DNAJC8: variants seen among roughly 807,000 people sequenced by gnomAD.
The protein encoded by DNAJC8 is dnaJ homolog subfamily C member 8.
Under a neutral mutation model 43.2 loss-of-function variants are expected in DNAJC8, and 24 were observed. The observed-to-expected ratio is 0.56, with a 90% confidence interval of 0.40 to 0.78. The LOEUF (loss-of-function observed/expected upper bound fraction) is 0.78, where lower values mean the gene tolerates loss of function less well. Among genes scored for constraint, DNAJC8 ranks in the 30% least tolerant of loss-of-function variants. The pLI, the probability that DNAJC8 is intolerant of heterozygous loss-of-function variation, is 0.00. For synonymous variants in DNAJC8, 83 were observed against 98.0 expected, an observed-to-expected ratio of 0.85 and a Z score of 0.90; for missense variants, 207 against 299.4, an observed-to-expected ratio of 0.69 and a Z score of 2.28.
intron 2 of DNAJC8, among the ~76,000 whole-genome samples, chr1:28,221,813 T>C (rs1231731143): frequency 6.6e-6 from 1 of 152,300 alleles, no homozygotes; most frequent in South Asian, 2.1e-4. Flanking sequence ...GCAACACTTT[T>C]CTCAATAGCT....
intron 1 of DNAJC8, among the ~76,000 whole-genome samples, chr1:28,231,730 A>G (rs1168829344): frequency 1.3e-5 from 2 of 150,894 alleles, no homozygotes; most frequent in East Asian, 3.9e-4. Context: ...AAAAAAAAAA[A>G]GAATTCAATC....
In DNAJC8 at chr1:28,200,894, G is replaced by T. The variant is rs1207833158; in HGVS notation, c.*354C>A. The T allele has an allele frequency of 8.3e-6, 3 of 361,814 alleles. No homozygotes were observed. The highest frequency in any genetic ancestry group is 1.6e-5 in the Non-Finnish European group (3 of 186,322). 22.4% of individuals were successfully genotyped at this position (361,814 alleles called of 1,614,324 possible). A position where few individuals can be genotyped will look rare whatever the true frequency, so the allele number is the denominator to read the frequency against. ...ACAGCAACACTGTTTTAAGCAGTATGTTTAATTGGATGATTTCCACAAACT... is the reference window on the plus strand; with the variant it reads ...ACAGCAACACTGTTTTAAGCAGTATTTTTAATTGGATGATTTCCACAAACT... On this transcript the variant is annotated 3_prime_UTR_variant, in exon 9 of 9. Coordinates refer to ENST00000263697, the MANE Select transcript of DNAJC8 (RefSeq NM_014280.3).
chr1:28,216,343 C>T (rs1646854697), intron 2 of DNAJC8, among the ~76,000 whole-genome samples: 1 of 152,136 alleles, frequency 6.6e-6, no homozygotes, highest in Non-Finnish European at 1.5e-5. Context: ...GGGACTGTAA[C>T]TGTACATACA....
At chr1:28,223,711 T>C (rs1162432305) in intron 2 of DNAJC8, among the ~76,000 whole-genome samples, 2 of 70,118 alleles carry the variant, frequency 2.9e-5, no homozygotes, top group African/African-American at 1.5e-4. Flanking sequence ...ACCTTGTCTT[T>C]ACAAAAAAAA....
chr1:28,219,125 C>T (rs758170467), intron 2 of DNAJC8, among the ~76,000 whole-genome samples: 6 of 152,022 alleles, frequency 3.9e-5, no homozygotes, highest in Non-Finnish European at 8.8e-5. Flanking sequence ...AAAATAAATT[C>T]TGCTGTGTGT....
intron 1 of DNAJC8, among the ~76,000 whole-genome samples, chr1:28,231,305 G>A (rs927598137): frequency 6.6e-6 from 1 of 152,130 alleles, no homozygotes; most frequent in Non-Finnish European, 1.5e-5. Context: ...CAGAGGTTGT[G>A]CATTCCAGCT....
intron 2 of DNAJC8, among the ~76,000 whole-genome samples, chr1:28,218,421 ATT>A (rs755920353): frequency 7.0e-6 from 1 of 142,830 alleles, no homozygotes; most frequent in Admixed American, 7.0e-5. Context: ...TAAACAAATA[ATT>A]TTTTTTTTTT....
chr1:28,214,998 T>G lies in DNAJC8; in HGVS notation c.181-2A>C. Reference sequence around the variant, plus strand: ...AACTTCAGGATCTATCTGAAGAACCTGGAAGTATCAAAATCAAAACCATAA... The same window carrying G: ...AACTTCAGGATCTATCTGAAGAACCGGGAAGTATCAAAATCAAAACCATAA... On this transcript the variant is annotated splice_acceptor_variant, in intron 2 of 8. Transcript: ENST00000263697. LOFTEE classifies it high-confidence loss of function. 6.2e-7 allele frequency: 1 copy of G among 1,602,132 alleles called. No individual in the cohort carries two copies.
intron 8 of DNAJC8, among the ~76,000 whole-genome samples, chr1:28,201,660 G>A (rs1228859538): frequency 6.6e-6 from 1 of 151,230 alleles, no homozygotes; most frequent in East Asian, 1.9e-4. Context: ...GTGGTGGCAG[G>A]TGCCTGTAAT....
intron 2 of DNAJC8, among the ~76,000 whole-genome samples, chr1:28,224,307 G>A (rs1030908290): frequency 3.9e-5 from 6 of 152,000 alleles, no homozygotes; most frequent in Admixed American, 6.6e-5. Context: ...TCACTCTGTC[G>A]CCCAGGCTGG....
intron 2 of DNAJC8, among the ~76,000 whole-genome samples, chr1:28,223,124 A>C (rs1002516299): frequency 6.6e-6 from 1 of 152,192 alleles, no homozygotes; most frequent in South Asian, 2.1e-4. Context: ...AAGGGTGTCC[A>C]AGTAGTAGGG....
intron 8 of DNAJC8, among the ~76,000 whole-genome samples, chr1:28,201,907 G>A (rs1401977878): frequency 6.6e-6 from 1 of 151,616 alleles, no homozygotes; most frequent in Admixed American, 6.6e-5. Context: ...GACCAATATG[G>A]AGAAACCCCA....
chr1:28,208,471 G>T, intron 5 of DNAJC8, 58 bp from the exon 6 acceptor site: 2 of 1,277,514 alleles, frequency 1.6e-6, no homozygotes, highest in Non-Finnish European at 1.1e-6. Flanking sequence ...AATATCCACT[G>T]GGCTGTACAC....
At chr1:28,204,196 AC>A (rs1476278822) in intron 7 of DNAJC8, among the ~76,000 whole-genome samples, 1 of 152,148 alleles carries the variant, frequency 6.6e-6, no homozygotes, top group African/African-American at 2.4e-5. Context: ...TCTGGACAAA[AC>A]CCTATCCGAA....
chr1:28,229,095 C>T, intron 1 of DNAJC8, 72 bp from the exon 2 acceptor site: 2 of 1,247,836 alleles, frequency 1.6e-6, no homozygotes, highest in South Asian at 1.3e-5. Flanking sequence ...ACAAAATGTT[C>T]ACTGATATGT....
chr1:28,205,381 G>A (rs771278789), intron 6 of DNAJC8, 32 bp from the exon 7 acceptor site: 1 of 1,544,654 alleles, frequency 6.5e-7, no homozygotes, highest in East Asian at 2.2e-5. Flanking sequence ...AAGAAAATCA[G>A]AGTAAATATT....
At chr1:28,220,614 T>C (rs1010607471) in intron 2 of DNAJC8, among the ~76,000 whole-genome samples, 2 of 152,106 alleles carry the variant, frequency 1.3e-5, no homozygotes, top group Non-Finnish European at 1.5e-5. Flanking sequence ...ATTAATCCAA[T>C]TGTGAGGGCA....
chr1:28,201,035 G>T lies in DNAJC8; in HGVS notation c.*213C>A. The T allele has an allele frequency of 1.6e-6, 1 of 620,584 alleles. No individual in the cohort carries two copies. The allele number at this position is 620,584 out of a possible 1,614,324, so 38.4% of individuals were successfully genotyped here. A position where few individuals can be genotyped will look rare whatever the true frequency, so the allele number is the denominator to read the frequency against. On this transcript the variant is annotated 3_prime_UTR_variant, in exon 9 of 9. Transcript: ENST00000263697. ...CCTTCTAATACTGGTTGTTCTAGGG[G>T]CAGGGAGAGGGAAAGGTCTTTTTTT...
intron 2 of DNAJC8, among the ~76,000 whole-genome samples, chr1:28,219,134 G>A (rs191483639): frequency 1.4e-4 from 21 of 152,150 alleles, no homozygotes; most frequent in African/African-American, 5.1e-4. Flanking sequence ...TCTGCTGTGT[G>A]TATTTGGGGA....
Sources: allele counts gnomAD v4.1 joint callset (sites outside exome capture counted in the v4.1 genomes callset), GRCh38; gene constraint gnomAD v4.1.1; transcripts MANE v1.5; gene names NCBI Gene and HGNC (gene_info 2026-07-23, HGNC 2026-07-21).